Variants in ENKUR observed in about 807,000 individuals in gnomAD.
ENKUR encodes enkurin, TRPC channel interacting protein.
Under a neutral mutation model 27.6 loss-of-function variants are expected in ENKUR, and 19 were observed. The ratio of observed to expected loss-of-function variants is 0.69; its 90% confidence interval spans 0.48 to 1.01. The LOEUF (loss-of-function observed/expected upper bound fraction) is 1.01. ENKUR is among the 50% of genes least tolerant of loss of function. The pLI, the probability that ENKUR is intolerant of heterozygous loss-of-function variation, is 0.00. For missense variants in ENKUR, 312 were observed against 310.5 expected (o/e 1.00, Z -0.04); for synonymous variants, 117 against 96.9 (o/e 1.21, Z -1.22).
chr10:25,011,822 A>C (rs1324801188), intron 1 of ENKUR, among the ~76,000 whole-genome samples: 1 of 152,244 alleles, frequency 6.6e-6, no homozygotes, highest in Non-Finnish European at 1.5e-5. Flanking sequence ...CAATTTTCTG[A>C]GGAGAAATTC....
chr10:25,045,464 G>T (rs1346525548), intron 2 of ENKUR, among the ~76,000 whole-genome samples: 1 of 152,102 alleles, frequency 6.6e-6, no homozygotes, highest in Non-Finnish European at 1.5e-5. Context: ...TAAAAAAAGA[G>T]GAATTCTCCA....
intron 1 of ENKUR, among the ~76,000 whole-genome samples, chr10:25,004,059 G>T (rs1438145830): frequency 6.6e-6 from 1 of 152,190 alleles, no homozygotes; most frequent in Non-Finnish European, 1.5e-5. Flanking sequence ...TTATTTATTG[G>T]ATAATTTTTA....
chr10:25,061,064 C>T, intron 2 of ENKUR: 1 of 1,525,158 alleles, frequency 6.6e-7, no homozygotes, highest in Non-Finnish European at 8.8e-7. Context: ...CCCTATTAGG[C>T]TGGCTGCCCA....
chr10:25,021,358 T>C (rs959881140), intron 2 of ENKUR, among the ~76,000 whole-genome samples: 2 of 152,232 alleles, frequency 1.3e-5, no homozygotes, highest in Non-Finnish European at 2.9e-5. Context: ...TGATAGATAA[T>C]ATAGCCTAAA....
At chr10:25,061,471 T>C in intron 1 of ENKUR, 1 of 275,082 alleles carries the variant, frequency 3.6e-6, no homozygotes, top group East Asian at 6.6e-5. Context: ...CCTACTGTTC[T>C]CCCCCGCCAC....
chr10:25,023,842 G>C, intron 2 of ENKUR: 1 of 1,614,208 alleles, frequency 6.2e-7, no homozygotes, highest in Non-Finnish European at 8.5e-7. Flanking sequence ...TGAAAGTGGG[G>C]CTTCCCCAGA....
rs1313356055 is a variant in ENKUR, at chr10:24,982,827, A to G, written c.*1543T>C. 6.6e-6 allele frequency: 1 copy of G among 152,224 alleles called. No individual in the cohort carries two copies. Among genetic ancestry groups the G allele is most frequent in the East Asian group, 1.9e-4 (1 of 5,202 alleles). The allele number at this position is 152,224 out of a possible 1,614,324, so 9.4% of individuals were successfully genotyped here. ...GACAACACTGTAGACCATAGAGAAA[A>G]GTCTAGATTCTTTAGTAGACATTTA... On this transcript the variant is annotated 3_prime_UTR_variant, in exon 6 of 6. Coordinates refer to ENST00000331161, the MANE Select transcript of ENKUR (RefSeq NM_145010.4).
At chr10:24,992,625 T>C (rs1388658237) in intron 3 of ENKUR, among the ~76,000 whole-genome samples, 1 of 152,214 alleles carries the variant, frequency 6.6e-6, no homozygotes, top group Admixed American at 6.5e-5. Flanking sequence ...TTCTGGGTCC[T>C]GGAAGAAGGA....
chr10:24,999,632 T>A, intron 1 of ENKUR, 86 bp from the exon 2 acceptor site: 4 of 1,210,032 alleles, frequency 3.3e-6, no homozygotes, highest in South Asian at 1.4e-5. Context: ...CTTACATTTT[T>A]AATTTATTTA....
intron 1 of ENKUR, among the ~76,000 whole-genome samples, chr10:25,009,891 A>G (rs990030172): frequency 6.6e-6 from 1 of 152,176 alleles, no homozygotes; most frequent in East Asian, 1.9e-4. Context: ...AGCCATGTGG[A>G]ACTGCGAGTC....
intron 2 of ENKUR, among the ~76,000 whole-genome samples, chr10:25,057,030 T>C (rs1307356754): frequency 6.6e-6 from 1 of 152,192 alleles, no homozygotes; most frequent in Non-Finnish European, 1.5e-5. Flanking sequence ...CAAAGCATTC[T>C]TCTCCAAGAT....
At chr10:25,055,632 A>C (rs1051404142) in intron 2 of ENKUR, among the ~76,000 whole-genome samples, 2 of 152,122 alleles carry the variant, frequency 1.3e-5, no homozygotes, top group African/African-American at 4.8e-5. Context: ...CAACAGTCAG[A>C]AGATTCTACA....
At chr10:25,050,896 A>G (rs867516021) in intron 2 of ENKUR, among the ~76,000 whole-genome samples, 3 of 152,332 alleles carry the variant, frequency 2.0e-5, no homozygotes, top group Middle Eastern at 6.8e-3. Context: ...TTTATGGTAA[A>G]GGAGGACTGT....
intron 3 of ENKUR, among the ~76,000 whole-genome samples, chr10:24,994,498 T>A (rs1850000677): frequency 6.6e-6 from 1 of 151,774 alleles, no homozygotes; most frequent in South Asian, 2.1e-4. Flanking sequence ...CACGCCTGGC[T>A]AATTTTTGTA....
upstream of ENKUR, among the ~76,000 whole-genome samples, chr10:25,016,472 G>A (rs973129427): frequency 6.6e-6 from 1 of 152,196 alleles, no homozygotes; most frequent in African/African-American, 2.4e-5. Context: ...CGGAGCGAGC[G>A]GCTGAGACCA....
intron 2 of ENKUR, among the ~76,000 whole-genome samples, chr10:25,046,500 C>T (rs962799440): frequency 6.6e-5 from 10 of 152,168 alleles, no homozygotes; most frequent in Non-Finnish European, 1.3e-4. Flanking sequence ...AGCAGCTCTA[C>T]AGCCAGATCA....
chr10:24,987,035 G>T (rs1483686452), intron 4 of ENKUR, among the ~76,000 whole-genome samples: 1 of 152,160 alleles, frequency 6.6e-6, no homozygotes, highest in Non-Finnish European at 1.5e-5. Context: ...TCCACCTTGT[G>T]GGGTGCTCCC....
At chr10:25,020,740 CAA>C (rs36007062), upstream of ENKUR, among the ~76,000 whole-genome samples, 334 of 134,006 alleles carry the variant, frequency 2.5e-3, 2 homozygotes, top group Non-Finnish European at 2.7e-3. Flanking sequence ...GACCCTTTCT[CAA>C]AAAAAAAAAA....
intron 4 of ENKUR, among the ~76,000 whole-genome samples, chr10:24,987,038 G>T (rs1277335925): frequency 6.6e-6 from 1 of 152,262 alleles, no homozygotes; most frequent in East Asian, 1.9e-4. Context: ...ACCTTGTGGG[G>T]TGCTCCCAGC....
Sources: allele counts gnomAD v4.1 joint callset (sites outside exome capture counted in the v4.1 genomes callset), GRCh38; gene constraint gnomAD v4.1.1; transcripts MANE v1.5; gene names NCBI Gene and HGNC (gene_info 2026-07-23, HGNC 2026-07-21).